The following KIF20B variants were observed in gnomAD, a reference collection of about 807,000 sequenced individuals.
KIF20B encodes kinesin family member 20B, also known as kinesin-like protein KIF20B.
A neutral mutation model predicts 232.5 loss-of-function variants in KIF20B; 188 were observed. The observed-to-expected ratio is 0.81, with a 90% CI of 0.72 to 0.91. The LOEUF is 0.91. Among genes scored for constraint, KIF20B ranks in the 40% least tolerant of loss-of-function variants. The pLI is 0.00. For synonymous variants in KIF20B, 712 were observed against 683.0 expected (o/e 1.04, Z -0.66); for missense variants, 2,154 against 2,055.9 (o/e 1.05, Z -0.92).
chr10:89,725,214 G>T (rs1843155501), intron 15 of KIF20B, 56 bp downstream of exon 15: 33 of 1,456,906 alleles, frequency 2.3e-5, no homozygotes, highest in Non-Finnish European at 3.0e-5. Context: ...CCAGGGTTTA[G>T]TGTACCACAT....
intron 26 of KIF20B, among the ~76,000 whole-genome samples, chr10:89,757,040 G>GTGTGTGTGTGTGTGTATATATATA (rs1301847520): frequency 6.0e-4 from 66 of 110,704 alleles, no homozygotes; most frequent in African/African-American, 2.1e-3. Context: ...GTGTGTGTGT[G>GTGTGTGTGTGTGTGTATATATATA]TATATATATA....
intron 27 of KIF20B, 50 bp downstream of exon 27, chr10:89,758,932 T>A: frequency 8.9e-7 from 1 of 1,128,722 alleles, no homozygotes. Flanking sequence ...AGTAATTACT[T>A]AATTGACTAA....
chr10:89,761,155 T>G (rs1306400732), intron 28 of KIF20B, among the ~76,000 whole-genome samples: 1 of 152,182 alleles, frequency 6.6e-6, no homozygotes, highest in Non-Finnish European at 1.5e-5. Context: ...ACTTTTTAAA[T>G]TTCTTTTTAA....
chr10:89,768,292 C>T lies in KIF20B; in HGVS notation c.4992C>T (p.Asp1664=). 1 of 1,529,902 alleles carries T rather than the reference C, an allele frequency of 6.5e-7. No homozygotes were observed. Among genetic ancestry groups the T allele is most frequent in the Non-Finnish European group, 8.9e-7 (1 of 1,121,038 alleles). The allele number at this position is 1,529,902 out of a possible 1,614,324, so 94.8% of individuals were successfully genotyped here. ...RKRKSNEMEE[D]LVKCENKKNA... is the part of the protein sequence containing the mutation. ...GTGCTAAAATTCATTATTTTTAGGA[C>T]TTGGTGAAATGTGAAAATAAGAAGA... The change falls in exon 30 of 33, where the codon GAC becomes GAT. Residue 1664 remains aspartate, a splice_region_variant and synonymous_variant. Transcript: ENST00000371728.
At chr10:89,752,535 C>G in intron 24 of KIF20B, 32 bp from the exon 25 acceptor site, 2 of 1,534,024 alleles carry the variant, frequency 1.3e-6, no homozygotes, top group Non-Finnish European at 1.8e-6. Flanking sequence ...TTTGCATATG[C>G]TTTAAAACAT....
rs780769522 is a variant in KIF20B, at chr10:89,723,854, CAG to C, written c.1723-108_1723-107del. The C allele has an allele frequency of 4.1e-4, 364 of 892,870 alleles. 2 individuals carry two copies. The highest frequency in any genetic ancestry group is 7.0e-5 in the Non-Finnish European group (46 of 658,766). The allele number at this position is 892,870 out of a possible 1,614,324, so 55.3% of individuals were successfully genotyped here. On this transcript the variant is annotated intron_variant, in intron 13 of 32. Transcript: ENST00000371728. ...AACATTATCACTATTAAAAAGGACACAGAATTACAATTGACTAAATGTAAAGT... is the reference window on the plus strand; with the variant it reads ...AACATTATCACTATTAAAAAGGACACAATTACAATTGACTAAATGTAAAGT...
chr10:89,703,614 G>A (rs1842657959), intron 1 of KIF20B, among the ~76,000 whole-genome samples: 1 of 152,168 alleles, frequency 6.6e-6, no homozygotes, highest in Admixed American at 6.5e-5. Context: ...GGTTTTATGT[G>A]TCTGGCAAAT....
intron 17 of KIF20B, among the ~76,000 whole-genome samples, chr10:89,728,342 A>C (rs1202829643): frequency 1.3e-5 from 2 of 152,200 alleles, no homozygotes; most frequent in Non-Finnish European, 2.9e-5. Context: ...AATTTAAAAC[A>C]AAACCAAACC....
Position 89,718,765 on chromosome 10 carries a change from T to C in KIF20B, c.1327T>C (p.Phe443Leu). 6.2e-7 allele frequency: 1 copy of C among 1,612,276 alleles called. No homozygotes were observed. Among genetic ancestry groups the C allele is most frequent in the Non-Finnish European group, 8.5e-7 (1 of 1,179,228 alleles). ...TAAACTGACTCACTATTTTCAAAGT[T>C]TTTTTAATGGTAAAGGGAAAATTTG... Reference protein sequence around the residue: ...ESKLTHYFQSFFNGKGKICMI... With the variant: ...ESKLTHYFQSLFNGKGKICMI... Residue 443 changes from phenylalanine to leucine, a missense_variant, in exon 12 of 33, where the codon TTT (phenylalanine) becomes CTT (leucine). Physicochemically the swap from Phe to Leu is conservative, Grantham distance 22. Transcript: ENST00000371728.
intron 29 of KIF20B, among the ~76,000 whole-genome samples, chr10:89,766,018 C>T (rs1242706209): frequency 6.6e-6 from 1 of 151,984 alleles, no homozygotes; most frequent in East Asian, 1.9e-4. Flanking sequence ...TTGTGGCGTT[C>T]TCTGTATTTC....
chr10:89,762,797 C>CCACA lies in KIF20B; in HGVS notation c.4952_4953insACAC (p.Lys1652HisfsTer9), dbSNP rs1299397119. ...TACCACACCAGTGACAGTTAAGATT[C>CCACA]CCAAGGCTCGGAAGAGGAAGAGTAA... is the stretch of plus-strand genomic sequence containing the variant. On this transcript the variant is annotated frameshift_variant, in exon 29 of 33. Transcript: ENST00000371728. LOFTEE classifies it high-confidence loss of function. 1 of 1,613,002 alleles carries CCACA rather than the reference C, an allele frequency of 6.2e-7. No homozygotes were observed. Among genetic ancestry groups the CCACA allele is most frequent in the Middle Eastern group, 1.7e-4 (1 of 6,060 alleles).
At chr10:89,738,810 T>C (rs1841729297) in intron 20 of KIF20B, 148 bp from the exon 21 acceptor site, 2 of 1,147,410 alleles carry the variant, frequency 1.7e-6, no homozygotes. Flanking sequence ...AAAAATCATA[T>C]GAAATATTTT....
chr10:89,702,278 C>T (rs1321010808), intron 1 of KIF20B, among the ~76,000 whole-genome samples: 1 of 152,122 alleles, frequency 6.6e-6, no homozygotes, highest in Non-Finnish European at 1.5e-5. Flanking sequence ...GCTTGCCCTT[C>T]TAGGGTTTTG....
chr10:89,703,725 T>A (rs1291746907), intron 1 of KIF20B, among the ~76,000 whole-genome samples: 1 of 151,362 alleles, frequency 6.6e-6, no homozygotes, highest in Non-Finnish European at 1.5e-5. Context: ...TGCTTCAGAA[T>A]TTGACTTTGG....
intron 1 of KIF20B, among the ~76,000 whole-genome samples, chr10:89,703,934 G>A (rs1428758600): frequency 6.6e-6 from 1 of 152,028 alleles, no homozygotes; most frequent in Non-Finnish European, 1.5e-5. Flanking sequence ...TGTATTTTTA[G>A]TAGAGTCGGG....
chr10:89,715,992 A>AAAATAAAT (rs372772817), intron 8 of KIF20B, among the ~76,000 whole-genome samples: 6,205 of 149,018 alleles, frequency 0.042, 174 homozygotes, highest in African/African-American at 0.071. Flanking sequence ...CCTTGTCTCC[A>AAAATAAAT]AAATAAATAA....
rs1297867462 is a variant in KIF20B at position 89,752,606 on chromosome 10, C to T, written c.4262C>T (p.Thr1421Ile). 1.2e-6 allele frequency: 2 copies of T among 1,603,490 alleles called. No individual in the cohort carries two copies. The highest frequency in any genetic ancestry group is 1.7e-5 in the Admixed American group (1 of 58,404). The change falls in exon 25 of 33, where the codon ACC (threonine) becomes ATC (isoleucine). Residue 1421 changes from threonine to isoleucine, a missense_variant. Physicochemically the swap from Thr to Ile is moderately conservative, Grantham distance 89. Coordinates refer to ENST00000371728, the MANE Select transcript of KIF20B (RefSeq NM_001284259.2). ...AAGGAAAAATGCAATGATTTGGAAA[C>T]CAAAAACAATCAAAGGTCAAATAAA... ...KWKEKCNDLE[T>I]KNNQRSNKEH...
chr10:89,738,933 T>C lies in KIF20B; in HGVS notation c.3777-25T>C, dbSNP rs771801383. 56 of 1,603,068 alleles carry C rather than the reference T, an allele frequency of 3.5e-5. No individual in the cohort carries two copies. In the Middle Eastern group the frequency reaches 1.8e-3, roughly 52 times the overall value. ...CTAAGCAGTTAATGATGCATTACCA[T>C]AGAAAAGTGGTTTATGTTTTTTAGA... is the stretch of plus-strand genomic sequence containing the variant. On this transcript the variant is annotated intron_variant, in intron 20 of 32. Coordinates refer to ENST00000371728, the MANE Select transcript of KIF20B (RefSeq NM_001284259.2).
chr10:89,756,688 T>G (rs1370474660), intron 26 of KIF20B, among the ~76,000 whole-genome samples: 1 of 152,160 alleles, frequency 6.6e-6, no homozygotes, highest in East Asian at 1.9e-4. Flanking sequence ...CTGCCTCTTT[T>G]CCAGTGGTAA....
Sources: allele counts gnomAD v4.1 joint callset (sites outside exome capture counted in the v4.1 genomes callset), GRCh38; gene constraint gnomAD v4.1.1; transcripts MANE v1.5; gene names NCBI Gene and HGNC (gene_info 2026-07-23, HGNC 2026-07-21).